Variants in MALRD1 observed in about 807,000 individuals in gnomAD.
MALRD1 encodes MAM and LDL-receptor class A domain-containing protein 1.
A neutral mutation model predicts 242.1 loss-of-function variants in MALRD1; 247 were observed. The ratio of observed to expected loss-of-function variants is 1.02; its 90% CI spans 0.92 to 1.13. The LOEUF is 1.13. Ranked by LOEUF, MALRD1 falls within the 50% of genes most tolerant of loss-of-function variation. MALRD1 has a pLI of 0.00. For missense variants in MALRD1, 2,989 were observed against 2,533.1 expected (o/e 1.18, Z -3.86); for synonymous variants, 995 against 866.6 (o/e 1.15, Z -2.60).
In MALRD1 at chr10:19,216,119, C is replaced by CTTTTTT. The variant is rs753559077; in HGVS notation, c.2991+6450_2991+6455dup. ...TACTTCTTTCTTTCTTTCTTTCTTT[C>CTTTTTT]TTTTTTTTTTTTTTTTGAGACAGCG... is the stretch of plus-strand genomic sequence containing the variant. On this transcript the variant is annotated intron_variant, in intron 18 of 39. Transcript: ENST00000454679. Among the ~76,000 whole-genome samples the CTTTTTT allele has an allele frequency of 5.5e-4, 67 of 122,788 alleles. 2 individuals carry two copies. Among genetic ancestry groups the CTTTTTT allele is most frequent in the Non-Finnish European group, 7.2e-4 (45 of 62,164 alleles). 80.6% of individuals were successfully genotyped at this position (122,788 alleles called of 152,430 possible).
chr10:19,590,748 C>T (rs561256558), intron 33 of MALRD1, among the ~76,000 whole-genome samples: 4 of 151,926 alleles, frequency 2.6e-5, no homozygotes, highest in Non-Finnish European at 5.9e-5. Flanking sequence ...TTATATTCTA[C>T]AGCAGTTTTA....
At chr10:19,102,031 A>C (rs1236099928) in intron 4 of MALRD1, among the ~76,000 whole-genome samples, 2 of 137,444 alleles carry the variant, frequency 1.5e-5, no homozygotes, top group Non-Finnish European at 3.1e-5. Flanking sequence ...TTAATTATAA[A>C]CTATATTTAA....
At chr10:19,289,136 G>A (rs1310342130) in intron 21 of MALRD1, among the ~76,000 whole-genome samples, 17 of 152,066 alleles carry the variant, frequency 1.1e-4, no homozygotes, top group Admixed American at 1.1e-3. Context: ...CTTACAGAAA[G>A]TTTTTGTGGC....
At chr10:19,368,997 C>T (rs1845242032) in intron 26 of MALRD1, among the ~76,000 whole-genome samples, 1 of 147,424 alleles carries the variant, frequency 6.8e-6, no homozygotes, top group Admixed American at 6.9e-5. Flanking sequence ...GTATATATAA[C>T]AGATATCTGT....
At chr10:19,266,285 T>C (rs945583630) in intron 19 of MALRD1, among the ~76,000 whole-genome samples, 3 of 151,924 alleles carry the variant, frequency 2.0e-5, no homozygotes, top group Non-Finnish European at 2.9e-5. Flanking sequence ...TCGTAGATCT[T>C]TTGTTTCTTT....
At chr10:19,722,064 C>A (rs1391945895) in intron 38 of MALRD1, 1 of 152,202 alleles carries the variant, frequency 6.6e-6, no homozygotes, top group Non-Finnish European at 1.5e-5. Flanking sequence ...AACCTTTAGA[C>A]TATAGGTAAG....
chr10:19,347,343 TA>T (rs781495072), intron 24 of MALRD1, among the ~76,000 whole-genome samples: 3 of 152,142 alleles, frequency 2.0e-5, no homozygotes, highest in Admixed American at 2.0e-4. Flanking sequence ...AGAACTGTTC[TA>T]AAAAAATAAC....
chr10:19,637,588 T>G (rs1840196820), intron 36 of MALRD1, among the ~76,000 whole-genome samples: 1 of 152,126 alleles, frequency 6.6e-6, no homozygotes, highest in Non-Finnish European at 1.5e-5. Context: ...AGCCATATGA[T>G]TAAAATTATT....
intron 26 of MALRD1, among the ~76,000 whole-genome samples, chr10:19,375,657 G>C (rs1164082228): frequency 6.6e-6 from 1 of 151,952 alleles, no homozygotes; most frequent in African/African-American, 2.4e-5. Context: ...ATTGTTATAA[G>C]ATGTGAGAGT....
intron 30 of MALRD1, among the ~76,000 whole-genome samples, chr10:19,497,219 T>C (rs1035090115): frequency 5.3e-5 from 8 of 151,960 alleles, no homozygotes; most frequent in African/African-American, 1.9e-4. Context: ...TGCAAGATTC[T>C]GAATTTTTAC....
intron 29 of MALRD1, among the ~76,000 whole-genome samples, chr10:19,452,648 A>G (rs556463805): frequency 3.4e-4 from 52 of 152,364 alleles, no homozygotes; most frequent in African/African-American, 1.2e-3. Context: ...ATGGAACTAA[A>G]CAACATTCTT....
intron 14 of MALRD1, 128 bp from the exon 15 acceptor site, chr10:19,203,600 A>G (rs1229832854): frequency 1.2e-5 from 10 of 856,552 alleles, no homozygotes; most frequent in Non-Finnish European, 1.3e-5. Context: ...ATTTTCTGAA[A>G]TGTGTCCCTC....
chr10:19,382,151 T>G (rs774019870), intron 26 of MALRD1, among the ~76,000 whole-genome samples: 2 of 152,198 alleles, frequency 1.3e-5, no homozygotes, highest in Non-Finnish European at 2.9e-5. Context: ...TTTAATAATA[T>G]AAGAGTCTCA....
chr10:19,528,976 A>G (rs1434347518), intron 31 of MALRD1, among the ~76,000 whole-genome samples: 2 of 152,146 alleles, frequency 1.3e-5, no homozygotes, highest in African/African-American at 4.8e-5. Flanking sequence ...ACTGAAACCG[A>G]CAGATTGCTG....
At chr10:19,562,413 C>G (rs535721976) in intron 32 of MALRD1, among the ~76,000 whole-genome samples, 4 of 152,166 alleles carry the variant, frequency 2.6e-5, no homozygotes, top group Non-Finnish European at 5.9e-5. Context: ...TCATGAAACT[C>G]TGGGTGTCCT....
chr10:19,143,675 A>G (rs2131432984), intron 10 of MALRD1, among the ~76,000 whole-genome samples: 1 of 152,314 alleles, frequency 6.6e-6, no homozygotes, highest in East Asian at 1.9e-4. Flanking sequence ...ATTGGAGGTA[A>G]CCTTGTAGAG....
intron 21 of MALRD1, among the ~76,000 whole-genome samples, chr10:19,306,119 T>TATAGTATATATAGTATAGTATATATATA (rs1491584615): frequency 3.3e-4 from 37 of 111,248 alleles, no homozygotes; most frequent in South Asian, 1.4e-3. Flanking sequence ...ATATATACTA[T>TATAGTATATATAGTATAGTATATATATA]CTAGTATATA....
rs376101597 is a variant in MALRD1 at position 19,729,505 on chromosome 10, T to TTGTG, written c.6315-1185_6315-1182dup. On this transcript the variant is annotated intron_variant, in intron 38 of 39. Transcript: ENST00000454679. The stretch of plus-strand genomic sequence containing the variant: ...CCTGGAATTGGTCTTCCATTCTCCA[T>TTGTG]TGTGTGTGTGTGTGTGTGTACACAT... Among the ~76,000 whole-genome samples the TTGTG allele has an allele frequency of 1.8e-3, 271 of 148,906 alleles. 2 individuals are homozygous for TTGTG. Among genetic ancestry groups the TTGTG allele is most frequent in the African/African-American group, 6.3e-3 (257 of 40,856 alleles).
intron 32 of MALRD1, among the ~76,000 whole-genome samples, chr10:19,545,683 A>G (rs1188682134): frequency 2.0e-5 from 3 of 152,024 alleles, no homozygotes; most frequent in African/African-American, 7.2e-5. Context: ...ATCATTCGTC[A>G]CCTTAGGGAG....
Sources: allele counts gnomAD v4.1 joint callset (sites outside exome capture counted in the v4.1 genomes callset), GRCh38; gene constraint gnomAD v4.1.1; transcripts MANE v1.5; gene names NCBI Gene and HGNC (gene_info 2026-07-23, HGNC 2026-07-21).